The following SMYD3 variants were observed in gnomAD, a reference collection of about 807,000 sequenced individuals.
The protein encoded by SMYD3 is histone-lysine N-methyltransferase SMYD3.
In SMYD3, 36 loss-of-function variants were observed where a neutral mutation model predicts 57.7. The ratio of observed to expected loss-of-function variants is 0.62; its 90% CI spans 0.48 to 0.82. SMYD3 has a LOEUF of 0.82. SMYD3 is among the 40% of genes least tolerant of loss of function. SMYD3 has a pLI of 0.00. For synonymous variants in SMYD3, 211 were observed against 195.0 expected (o/e 1.08, Z -0.68); for missense variants, 515 against 538.8 (o/e 0.96, Z 0.44).
At chr1:245,985,364 T>A (rs2148087918) in intron 5 of SMYD3, among the ~76,000 whole-genome samples, 1 of 152,322 alleles carries the variant, frequency 6.6e-6, no homozygotes, top group African/African-American at 2.4e-5. Context: ...ATTATATTTG[T>A]CCAATAGGCA....
chr1:246,401,698 A>G (rs1251068695), intron 1 of SMYD3, among the ~76,000 whole-genome samples: 1 of 148,240 alleles, frequency 6.7e-6, no homozygotes, highest in Non-Finnish European at 1.5e-5. Context: ...ATCCAGTAGC[A>G]ATGTTCTTAA....
chr1:246,134,101 T>A (rs952324640), intron 5 of SMYD3, among the ~76,000 whole-genome samples: 10 of 152,112 alleles, frequency 6.6e-5, no homozygotes, highest in Admixed American at 2.0e-4. Flanking sequence ...CCTTTATATA[T>A]CACATCGCCT....
At chr1:246,134,804 C>G (rs966595619) in intron 5 of SMYD3, among the ~76,000 whole-genome samples, 9 of 108,068 alleles carry the variant, frequency 8.3e-5, no homozygotes, top group South Asian at 2.5e-4. Context: ...TTCTTCCCCC[C>G]CCTGCCGCTT....
chr1:246,057,769 A>C (rs2060178019), intron 5 of SMYD3, among the ~76,000 whole-genome samples: 1 of 152,256 alleles, frequency 6.6e-6, no homozygotes, highest in Admixed American at 6.5e-5. Context: ...AAAGGAGTTA[A>C]AAACTTATGT....
chr1:245,902,570 G>A (rs116698956), intron 8 of SMYD3, among the ~76,000 whole-genome samples: 1,930 of 152,248 alleles, frequency 0.013, 39 homozygotes, highest in African/African-American at 0.044. Context: ...ATGTCATTTA[G>A]ACACCTAAGG....
chr1:245,930,095 A>T (rs2056623588), intron 5 of SMYD3, 158 bp from the exon 6 acceptor site: 1 of 661,126 alleles, frequency 1.5e-6, no homozygotes, highest in African/African-American at 1.8e-5. Flanking sequence ...TTACAACAGA[A>T]TTTATCTGGG....
chr1:246,058,280 G>C (rs1446394634), intron 5 of SMYD3, among the ~76,000 whole-genome samples: 1 of 152,162 alleles, frequency 6.6e-6, no homozygotes, highest in African/African-American at 2.4e-5. Flanking sequence ...GTCCCACTCT[G>C]GTAGAGGATG....
intron 8 of SMYD3, among the ~76,000 whole-genome samples, chr1:245,867,305 C>T (rs1237561998): frequency 3.3e-5 from 5 of 152,196 alleles, no homozygotes; most frequent in Admixed American, 1.3e-4. Flanking sequence ...TTGATTTTGG[C>T]CTTCTGAGAC....
At chr1:245,818,911 G>A (rs7516633) in intron 10 of SMYD3, among the ~76,000 whole-genome samples, 105,269 of 105,550 alleles carry the variant, frequency 1, 52,505 homozygotes, top group Middle Eastern at 1. Context: ...TGAGTGACCT[G>A]CAAAGAGACT....
rs188474491 is a variant in SMYD3 at position 245,825,934 on chromosome 1, A to C, written c.1076+32562T>G. ...CGAAAACTCCACGTCATTTTCTCCT[A>C]AACGACCTTCCTATGAAGGCAAAGA... On this transcript the variant is annotated intron_variant, in intron 10 of 11. Transcript: ENST00000490107. 7.4e-5 allele frequency among the ~76,000 whole-genome samples: 11 copies of C among 147,698 alleles called. No individual in the cohort carries two copies. The South Asian group carries it at 2.0e-3, about 27-fold the overall frequency.
chr1:246,088,217 G>GAC (rs776507530), intron 5 of SMYD3, among the ~76,000 whole-genome samples: 19 of 151,524 alleles, frequency 1.3e-4, no homozygotes, highest in East Asian at 3.9e-4. Flanking sequence ...TCAAAACAAG[G>GAC]ACACACACAC....
chr1:246,160,819 C>T (rs2062106014), intron 5 of SMYD3, among the ~76,000 whole-genome samples: 1 of 152,166 alleles, frequency 6.6e-6, no homozygotes, highest in East Asian at 1.9e-4. Flanking sequence ...TGGGGAAATA[C>T]TTTCAGATCA....
intron 1 of SMYD3, among the ~76,000 whole-genome samples, chr1:246,443,237 A>G (rs1419481760): frequency 6.6e-6 from 1 of 152,216 alleles, no homozygotes; most frequent in East Asian, 1.9e-4. Context: ...ACCCTATTTA[A>G]TATCTTTCAG....
At chr1:246,499,399 TATACACAC>T (rs1439446005) in intron 1 of SMYD3, among the ~76,000 whole-genome samples, 31 of 39,670 alleles carry the variant, frequency 7.8e-4, no homozygotes, top group African/African-American at 1.7e-3. Context: ...AACCATCAAA[TATACACAC>T]ACACACACAC....
chr1:246,066,860 G>C (rs1237237964), intron 5 of SMYD3, among the ~76,000 whole-genome samples: 1 of 152,180 alleles, frequency 6.6e-6, no homozygotes, highest in Non-Finnish European at 1.5e-5. Context: ...GTCGTTTTAT[G>C]TGTTGCTGTC....
intron 1 of SMYD3, among the ~76,000 whole-genome samples, chr1:246,376,266 G>T (rs1429673032): frequency 6.6e-6 from 1 of 151,924 alleles, no homozygotes; most frequent in African/African-American, 2.4e-5. Context: ...CATATTGATG[G>T]ACATTAGTGT....
intron 10 of SMYD3, among the ~76,000 whole-genome samples, chr1:245,780,006 C>CA (rs2046766723): frequency 6.6e-6 from 1 of 152,042 alleles, no homozygotes; most frequent in African/African-American, 2.4e-5. Context: ...TGGGGATAAC[C>CA]AAAAAGACAG....
At position 245,961,234 on chromosome 1, in the gene SMYD3, A is replaced by G. The variant is rs543485342; in HGVS notation, c.532-31297T>C. On this transcript the variant is annotated intron_variant, in intron 5 of 11. Coordinates refer to ENST00000490107, the MANE Select transcript of SMYD3 (RefSeq NM_001167740.2). ...ACATGCTCTCTCTTCTCATAGAAAC[A>G]GGGTCAACCCTCATTTCTAGGAACA... Among the ~76,000 whole-genome samples the G allele has an allele frequency of 1.6e-3, 238 of 152,338 alleles. 2 individuals carry two copies. The highest frequency in any genetic ancestry group is 5.3e-3 in the African/African-American group (220 of 41,582).
At chr1:246,492,877 G>A (rs1289597110) in intron 1 of SMYD3, among the ~76,000 whole-genome samples, 1 of 152,158 alleles carries the variant, frequency 6.6e-6, no homozygotes, top group Non-Finnish European at 1.5e-5. Flanking sequence ...ATTTCTAACT[G>A]GCCCTGTAAA....
Sources: allele counts gnomAD v4.1 joint callset (sites outside exome capture counted in the v4.1 genomes callset), GRCh38; gene constraint gnomAD v4.1.1; transcripts MANE v1.5; gene names NCBI Gene and HGNC (gene_info 2026-07-23, HGNC 2026-07-21).